PSG3: variants seen among roughly 807,000 people sequenced by gnomAD.
PSG3 encodes the protein pregnancy specific beta-1-glycoprotein 3.
Under a neutral mutation model 47.5 loss-of-function variants are expected in PSG3, and 61 were observed. The ratio of observed to expected loss-of-function variants is 1.28; its 90% CI spans 1.05 to 1.59. The LOEUF (loss-of-function observed/expected upper bound fraction) is 1.59, where lower values mean the gene tolerates loss of function less well. Among genes scored for constraint, PSG3 ranks in the 40% most tolerant of loss-of-function variants. PSG3 has a pLI of 0.00. For missense variants in PSG3, 756 were observed against 524.0 expected (o/e 1.44, Z -4.32); for synonymous variants, 263 against 198.4 (o/e 1.33, Z -2.74).
chr19:42,724,048 G>T (rs778774592), intron 5 of PSG3, 23 bp from the exon 6 acceptor site: 3 of 1,600,510 alleles, frequency 1.9e-6, no homozygotes, highest in Non-Finnish European at 2.6e-6. Context: ...AAAAAGAAAA[G>T]AAGGAATGAA....
chr19:42,734,547 A>G (rs906298722), intron 2 of PSG3, among the ~76,000 whole-genome samples: 4 of 152,224 alleles, frequency 2.6e-5, no homozygotes, highest in African/African-American at 9.6e-5. Context: ...AAATGTTTTC[A>G]TAAGTGGAAA....
intron 2 of PSG3, among the ~76,000 whole-genome samples, chr19:42,734,489 G>A (rs975165861): frequency 4.6e-5 from 7 of 152,140 alleles, no homozygotes; most frequent in African/African-American, 1.7e-4. Flanking sequence ...TAGACCTTAT[G>A]TTCTGACTCT....
Position 42,733,035 on chromosome 19 carries a change from C to A in PSG3, c.458G>T (p.Ser153Ile). The A allele has an allele frequency of 2.5e-6, 4 of 1,614,126 alleles. No individual in the cohort carries two copies. The highest frequency in any genetic ancestry group is 3.4e-6 in the Non-Finnish European group (4 of 1,180,002). Residue 153 changes from serine to isoleucine, a missense_variant, in exon 3 of 7, where the codon AGC (serine) becomes ATC (isoleucine). Coordinates refer to ENST00000327495, the MANE Select transcript of PSG3 (RefSeq NM_021016.4). ...GTCCTCCCTGGGGTATAAGTTGCTG[C>A]TGGAGATGGAGGGCTTGGGAGTCTC... ...YLETPKPSIS[S>I]SNLYPREDME...
At position 42,729,069 on chromosome 19, in the gene PSG3, G is replaced by C. The variant is rs528534934; in HGVS notation, c.1243+54C>G. 1.8e-5 allele frequency: 29 copies of C among 1,613,036 alleles called. No individual in the cohort carries two copies. The African/African-American group carries it at 3.5e-4, about 19-fold the overall frequency. On this transcript the variant is annotated intron_variant, in intron 5 of 6. Transcript: ENST00000327495. ...ATGTTTTCCTGACTCTTCTCTGAAA[G>C]CCAGAGAGACTCCACCTAAAACTCT... is the stretch of plus-strand genomic sequence containing the variant.
chr19:42,729,204 G>C lies in PSG3; in HGVS notation c.1162C>G (p.His388Asp). Residue 388 changes from histidine to aspartate, a missense_variant, in exon 5 of 7, where the codon CAT becomes GAT. By Grantham distance (81) the His-to-Asp change is moderately conservative. Coordinates refer to ENST00000327495, the MANE Select transcript of PSG3 (RefSeq NM_021016.4). ...ACAGAGCAAGCATAGAGCCCGCTAT[G>C]CTTTGTAGTAATCTGGGGGATAAAG... ...KLFIPQITTK[H>D]SGLYACSVRN... The C allele has an allele frequency of 6.2e-7, 1 of 1,614,034 alleles. No homozygotes were observed. The highest frequency in any genetic ancestry group is 8.5e-7 in the Non-Finnish European group (1 of 1,179,880).
rs1058704 is a variant in PSG3 at position 42,730,016 on chromosome 19, G to T, written c.750C>A (p.Asn250Lys). Residue 250 changes from asparagine (N) to lysine (K), a missense_variant, in exon 4 of 7, where the codon AAC becomes AAA. Coordinates refer to ENST00000327495, the MANE Select transcript of PSG3 (RefSeq NM_021016.4). ...CTAAGACATCCTTATTCTCCCTGGG[G>T]TTTAAGTTGTTGATGGTGATGTAGG... ...PKPYITINNL[N>K]PRENKDVLAF... The T allele has an allele frequency of 3.4e-4, 548 of 1,612,312 alleles. No homozygotes were observed. Among genetic ancestry groups the T allele is most frequent in the African/African-American group, 1.4e-3 (107 of 74,972 alleles).
intron 4 of PSG3, 23 bp from the exon 5 acceptor site, chr19:42,729,400 A>G: frequency 6.2e-7 from 1 of 1,600,318 alleles, no homozygotes; most frequent in South Asian, 1.1e-5. Flanking sequence ...GAATAAAGCC[A>G]CAGGTGATGT....
intron 1 of PSG3, 124 bp from the exon 2 acceptor site, chr19:42,739,213 C>G (rs553084502): frequency 1.5e-6 from 2 of 1,347,896 alleles, no homozygotes; most frequent in South Asian, 1.4e-5. Flanking sequence ...CACACACATA[C>G]AAACACACAC....
In PSG3 at chr19:42,731,363, C is replaced by T. The variant is rs570132826; in HGVS notation, c.710-1307G>A. Among the ~76,000 whole-genome samples, 1,422 of 152,288 alleles carry T rather than the reference C, an allele frequency of 9.3e-3. 26 individuals carry two copies. The highest frequency in any genetic ancestry group is 0.032 in the African/African-American group (1,348 of 41,548). On this transcript the variant is annotated intron_variant, in intron 3 of 6. Transcript: ENST00000327495. The stretch of plus-strand genomic sequence containing the variant: ...TGCTTCAGTGAGCATTTCTTTTCAG[C>T]ATCAGATTAGTAGGCAAAAGTGGGA...
At chr19:42,725,985 G>A (rs1969372442) in intron 5 of PSG3, among the ~76,000 whole-genome samples, 1 of 151,138 alleles carries the variant, frequency 6.6e-6, no homozygotes, top group Non-Finnish European at 1.5e-5. Context: ...ATAATTGTAT[G>A]CCAATAAATT....
chr19:42,734,999 G>T (rs1475472255), intron 2 of PSG3, among the ~76,000 whole-genome samples: 1 of 152,144 alleles, frequency 6.6e-6, no homozygotes, highest in Non-Finnish European at 1.5e-5. Context: ...CTCCCCACAC[G>T]CAGAACTCCA....
rs1197456160 is a variant in PSG3, at chr19:42,733,147, C to T, written c.431-85G>A. The T allele has an allele frequency of 1.0e-5, 16 of 1,546,626 alleles. No individual in the cohort carries two copies. In the South Asian group the frequency reaches 1.3e-4, roughly 12 times the overall value. Reference sequence around the variant, plus strand: ...TTTTTCAATCAGAGTTGGCATTTCCCACCTCTCAGCCCACCCAAGTCCTTA... The same window carrying T: ...TTTTTCAATCAGAGTTGGCATTTCCTACCTCTCAGCCCACCCAAGTCCTTA... On this transcript the variant is annotated intron_variant, in intron 2 of 6. Coordinates refer to ENST00000327495, the MANE Select transcript of PSG3 (RefSeq NM_021016.4).
Position 42,729,211 on chromosome 19 carries a change from A to T in PSG3, c.1155T>A (p.Thr385=), listed in dbSNP as rs781301041. ...SGQKLFIPQI[T]TKHSGLYACS... ...AAGCATAGAGCCCGCTATGCTTTGT[A>T]GTAATCTGGGGGATAAAGAGCTTTT... The change falls in exon 5 of 7, where the codon ACT becomes ACA. Residue 385 remains threonine (T), a synonymous_variant. Coordinates refer to ENST00000327495, the MANE Select transcript of PSG3 (RefSeq NM_021016.4). The T allele has an allele frequency of 1.2e-6, 2 of 1,614,004 alleles. No homozygotes were observed. Among genetic ancestry groups the T allele is most frequent in the Non-Finnish European group, 1.7e-6 (2 of 1,179,874 alleles).
chr19:42,738,684 C>A (rs1239498240), intron 2 of PSG3, 40 bp downstream of exon 2: 7 of 1,612,042 alleles, frequency 4.3e-6, no homozygotes, highest in Non-Finnish European at 5.9e-6. Flanking sequence ...AAGTAAAGAC[C>A]CCATCCCCCA....
In PSG3 at chr19:42,729,955, A is replaced by G; in HGVS notation, c.811T>C (p.Tyr271His). Residue 271 changes from tyrosine to histidine, a missense_variant, in exon 4 of 7, where the codon TAC (tyrosine) becomes CAC (histidine). Coordinates refer to ENST00000327495, the MANE Select transcript of PSG3 (RefSeq NM_021016.4). ...TCEPKSENYT[Y>H]IWWLNGQSLP... is the part of the protein sequence containing the mutation. ...CTCTGACCATTTAGCCACCAAATGT[A>G]GGTGTAGTTCTCACTCTTAGGTTCA... is the stretch of plus-strand genomic sequence containing the variant. 1 of 1,612,182 alleles carries G rather than the reference A, an allele frequency of 6.2e-7. No individual in the cohort carries two copies.
At chr19:42,734,219 C>T (rs1047741310) in intron 2 of PSG3, 1 of 152,160 alleles carries the variant, frequency 6.6e-6, no homozygotes, top group African/African-American at 2.4e-5. Context: ...AGATAAAGTG[C>T]TCCTTATTCA....
intron 2 of PSG3, among the ~76,000 whole-genome samples, chr19:42,737,237 G>A (rs890592400): frequency 5.3e-5 from 8 of 152,308 alleles, no homozygotes; most frequent in African/African-American, 1.9e-4. Context: ...TGAAACGTGG[G>A]TGTCAGCCTC....
intron 2 of PSG3, among the ~76,000 whole-genome samples, chr19:42,736,598 C>A (rs1379787395): frequency 6.8e-6 from 1 of 146,254 alleles, no homozygotes; most frequent in Non-Finnish European, 1.5e-5. Context: ...CTACAAACCA[C>A]CATTTCAATA....
At position 42,738,980 on chromosome 19, in the gene PSG3, C is replaced by T. The variant is rs1343427960; in HGVS notation, c.174G>A (p.Leu58=). 29 of 1,613,864 alleles carry T rather than the reference C, an allele frequency of 1.8e-5. No individual in the cohort carries two copies. Among genetic ancestry groups the T allele is most frequent in the Non-Finnish European group, 2.2e-5 (26 of 1,179,964 alleles). Residue 58 remains leucine, a synonymous_variant, in exon 2 of 7, where the codon TTG becomes TTA. Transcript: ENST00000327495. The part of the protein sequence containing the change: ...GKDVLLLVHN[L]PQNLAGYIWY... ...AGATGTAGCCAGCAAGATTCTGGGG[C>T]AAATTGTGGACAAGTAGAAGAACGT... is the stretch of plus-strand genomic sequence containing the variant.
Sources: gnomAD v4.1 joint callset for allele counts (sites outside exome capture counted in the v4.1 genomes callset) on GRCh38, gnomAD v4.1.1 for gene constraint, MANE v1.5 for transcripts, NCBI Gene and HGNC (gene_info 2026-07-23, HGNC 2026-07-21) for gene names.